Variants in CFAP77 observed in about 807,000 individuals in gnomAD.
CFAP77 encodes cilia and flagella associated protein 77.
In CFAP77, 25 loss-of-function variants were observed where a neutral mutation model predicts 31.1. The ratio of observed to expected loss-of-function variants is 0.80; its 90% CI spans 0.59 to 1.12. CFAP77 has a LOEUF of 1.12. CFAP77 is among the 50% of genes most tolerant of loss of function. The pLI is 0.00. For synonymous variants in CFAP77, 151 were observed against 159.9 expected, an observed-to-expected ratio of 0.94 and a Z score of 0.42; for missense variants, 377 against 397.3, an observed-to-expected ratio of 0.95 and a Z score of 0.44.
At chr9:132,546,504 A>C (rs1423551447) in intron 5 of CFAP77, among the ~76,000 whole-genome samples, 1 of 152,106 alleles carries the variant, frequency 6.6e-6, no homozygotes, top group African/African-American at 2.4e-5. Context: ...TGTCAGAAAT[A>C]ATTAAACACC....
rs1243356726 is a variant in CFAP77 at position 132,480,893 on chromosome 9, C to T, written c.196-17802C>T. ...CATAAGATGAGGCCAAGGCTAGGAG[C>T]AGAGGTGCCCCCATTGTGGTCCGGG... On this transcript the variant is annotated intron_variant, in intron 1 of 5. Coordinates refer to ENST00000393216, the MANE Select transcript of CFAP77 (RefSeq NM_001282957.2). The surrounding 1 kb of genome is among the most constrained non-coding windows in gnomAD (Gnocchi z 5.8). 6.6e-6 allele frequency among the ~76,000 whole-genome samples: 1 copy of T among 152,084 alleles called. No homozygotes were observed. The highest frequency in any genetic ancestry group is 1.5e-5 in the Non-Finnish European group (1 of 68,006).
At chr9:132,541,897 C>T (rs1210719738) in intron 4 of CFAP77, among the ~76,000 whole-genome samples, 1 of 151,932 alleles carries the variant, frequency 6.6e-6, no homozygotes, top group Non-Finnish European at 1.5e-5. Context: ...TGGGAGGTGA[C>T]GCGGAAGGTT....
intron 4 of CFAP77, among the ~76,000 whole-genome samples, chr9:132,541,479 TTTGGGAG>T (rs1267610845): frequency 6.6e-5 from 10 of 152,316 alleles, no homozygotes; most frequent in African/African-American, 2.4e-4. Context: ...ATCCCAGCAC[TTTGGGAG>T]GCCAAGGCCA....
chr9:132,418,326 C>T (rs972440921), intron 1 of CFAP77, among the ~76,000 whole-genome samples: 1 of 152,178 alleles, frequency 6.6e-6, no homozygotes, highest in South Asian at 2.1e-4. Flanking sequence ...CACTGGACAG[C>T]GCTCCCAACC....
At chr9:132,419,101 A>C (rs917149312) in intron 1 of CFAP77, among the ~76,000 whole-genome samples, 1 of 152,240 alleles carries the variant, frequency 6.6e-6, no homozygotes, top group African/African-American at 2.4e-5. Flanking sequence ...CATGAGTAGC[A>C]CACAGGAGGG....
intron 1 of CFAP77, among the ~76,000 whole-genome samples, chr9:132,426,927 G>A (rs1022423707): frequency 7.9e-5 from 12 of 152,206 alleles, no homozygotes; most frequent in Non-Finnish European, 1.5e-4. Context: ...TTCAGGGAGG[G>A]CAGAGGGAAT....
At chr9:132,475,543 CTCAG>C (rs1851335995) in intron 1 of CFAP77, among the ~76,000 whole-genome samples, 1 of 152,112 alleles carries the variant, frequency 6.6e-6, no homozygotes, top group Non-Finnish European at 1.5e-5. Flanking sequence ...TCTTGAATGC[CTCAG>C]TCAAGGGGTA....
chr9:132,552,408 C>T lies in CFAP77; in HGVS notation c.732+9361C>T, dbSNP rs538449177. On this transcript the variant is annotated intron_variant, in intron 5 of 5. Transcript: ENST00000393216. The surrounding 1 kb of genome is among the most constrained non-coding windows in gnomAD (Gnocchi z 5.5). ...TGAGGAGATGTTTAAAATGCAGAGT[C>T]GAAGGCCCAGTGCGGTGGCTCATGC... Among the ~76,000 whole-genome samples the T allele has an allele frequency of 6.6e-5, 10 of 152,216 alleles. No homozygotes were observed. The East Asian group carries it at 1.7e-3, about 26-fold the overall frequency.
chr9:132,498,908 G>A lies in CFAP77; in HGVS notation c.295+114G>A. On this transcript the variant is annotated intron_variant, in intron 2 of 5. Transcript: ENST00000393216. The surrounding 1 kb of genome is among the most constrained non-coding windows in gnomAD (Gnocchi z 4.2). ...GGCAGCTGGTTGGGTGCTGGAGAAA[G>A]ACCCAGGGACCGCCAGCCTGGGCAG... The A allele has an allele frequency of 1.3e-6, 1 of 748,320 alleles. No homozygotes were observed. The highest frequency in any genetic ancestry group is 2.2e-6 in the Non-Finnish European group (1 of 456,808). 46.4% of individuals were successfully genotyped at this position (748,320 alleles called of 1,614,324 possible).
At chr9:132,487,508 G>C (rs761518194) in intron 1 of CFAP77, among the ~76,000 whole-genome samples, 1 of 151,990 alleles carries the variant, frequency 6.6e-6, no homozygotes, top group African/African-American at 2.4e-5. Flanking sequence ...TCGAAAAAAG[G>C]GCCCCCATCT....
At chr9:132,521,405 GCTT>G (rs1564239050) in intron 3 of CFAP77, among the ~76,000 whole-genome samples, 1 of 152,326 alleles carries the variant, frequency 6.6e-6, no homozygotes, top group East Asian at 1.9e-4. Flanking sequence ...GAGTCACTCA[GCTT>G]CTCTACTGAG....
chr9:132,542,849 G>A (rs375758516), intron 4 of CFAP77, 97 bp from the exon 5 acceptor site: 24 of 953,240 alleles, frequency 2.5e-5, no homozygotes, highest in African/African-American at 2.0e-4. Flanking sequence ...ATCTTGCCAC[G>A]CCAAGAATCC....
chr9:132,557,125 G>C (rs1310714775), intron 5 of CFAP77, among the ~76,000 whole-genome samples: 1 of 152,186 alleles, frequency 6.6e-6, no homozygotes, highest in Admixed American at 6.5e-5. Flanking sequence ...TTGCATCCTG[G>C]GGTGTGTGTG....
chr9:132,555,093 G>T (rs1235570282), intron 5 of CFAP77, among the ~76,000 whole-genome samples: 2 of 152,130 alleles, frequency 1.3e-5, no homozygotes. Flanking sequence ...ACATTTGAAG[G>T]CCTCCTGTCT....
chr9:132,450,448 A>G (rs1850806231), intron 1 of CFAP77, among the ~76,000 whole-genome samples: 1 of 152,144 alleles, frequency 6.6e-6, no homozygotes, highest in Non-Finnish European at 1.5e-5. Context: ...ATGGGTCTAG[A>G]CCATTAATAA....
chr9:132,459,806 TGTATGTGTGTGTATGAGTGTGC>T (rs1851015944), intron 1 of CFAP77, among the ~76,000 whole-genome samples: 1 of 150,486 alleles, frequency 6.6e-6, no homozygotes, highest in Non-Finnish European at 1.5e-5. Context: ...GAGCGATGTG[TGTATGTGTGTGTATGAGTGTGC>T]GTATGTGTGG....
intron 5 of CFAP77, among the ~76,000 whole-genome samples, chr9:132,566,407 G>A (rs568389533): frequency 2.0e-5 from 3 of 152,322 alleles, no homozygotes; most frequent in South Asian, 4.1e-4. Context: ...TCCTCCGGGC[G>A]TTCCAAGGCT....
chr9:132,446,785 G>C (rs1408729980), intron 1 of CFAP77, among the ~76,000 whole-genome samples: 1 of 150,624 alleles, frequency 6.6e-6, no homozygotes, highest in Non-Finnish European at 1.5e-5. Flanking sequence ...GTGGCTGGCT[G>C]ACTGAGGGCT....
chr9:132,457,187 C>T (rs1336392318), intron 1 of CFAP77, among the ~76,000 whole-genome samples: 1 of 151,792 alleles, frequency 6.6e-6, no homozygotes, highest in Non-Finnish European at 1.5e-5. Context: ...TGCGTATTCT[C>T]TGGATGAAGC....
Sources: gnomAD v4.1 joint callset for allele counts (sites outside exome capture counted in the v4.1 genomes callset) on GRCh38, gnomAD v4.1.1 for gene constraint, Gnocchi (gnomAD v3.1) non-coding constraint, MANE v1.5 for transcripts, NCBI Gene and HGNC (gene_info 2026-07-23, HGNC 2026-07-21) for gene names.